Variants in RBL2 observed in about 807,000 individuals in gnomAD.
RBL2 encodes retinoblastoma-like protein 2.
Under a neutral mutation model 126.0 loss-of-function variants are expected in RBL2, and 56 were observed. The ratio of observed to expected loss-of-function variants is 0.44; its 90% confidence interval spans 0.36 to 0.56. RBL2 has a LOEUF of 0.56. RBL2 is among the 20% of genes least tolerant of loss of function. RBL2 has a pLI of 0.00. For missense variants in RBL2, 1,229 were observed against 1,398.2 expected (o/e 0.88, Z 1.93); for synonymous variants, 454 against 478.5 (o/e 0.95, Z 0.67).
chr16:53,473,608 T>C (rs193298426), intron 17 of RBL2, among the ~76,000 whole-genome samples: 4 of 152,106 alleles, frequency 2.6e-5, no homozygotes, highest in Admixed American at 2.0e-4. Flanking sequence ...CTTATAATTT[T>C]ACTTCTTGTC....
chr16:53,487,142 C>G (rs745714565), intron 21 of RBL2, among the ~76,000 whole-genome samples: 35 of 152,150 alleles, frequency 2.3e-4, no homozygotes, highest in Non-Finnish European at 4.1e-4. Flanking sequence ...CCCAATTGAT[C>G]TATAATTTCA....
At chr16:53,488,206 A>G (rs1475466025) in intron 21 of RBL2, 2 of 152,256 alleles carry the variant, frequency 1.3e-5, no homozygotes, top group African/African-American at 4.8e-5. Flanking sequence ...CATCCAGACA[A>G]TCGACTGCTA....
chr16:53,448,165 A>AT (rs11339481), intron 4 of RBL2, among the ~76,000 whole-genome samples: 27 of 127,354 alleles, frequency 2.1e-4, no homozygotes, highest in Admixed American at 9.4e-4. Context: ...ACTTTATTTT[A>AT]TTTTTTTTTT....
chr16:53,457,331 C>A (rs2058179562), intron 8 of RBL2, among the ~76,000 whole-genome samples: 1 of 141,536 alleles, frequency 7.1e-6, no homozygotes, highest in African/African-American at 2.8e-5. Flanking sequence ...GCAATCTCGG[C>A]TCACTGTGAC....
chr16:53,456,188 A>AAAG (rs559824693), intron 8 of RBL2, among the ~76,000 whole-genome samples: 6 of 151,148 alleles, frequency 4.0e-5, no homozygotes, highest in Admixed American at 6.6e-5. Context: ...AAAAAAAAGA[A>AAAG]AAGAAGAAGA....
intron 21 of RBL2, chr16:53,488,393 G>C (rs1257962154): frequency 6.6e-6 from 1 of 152,216 alleles, no homozygotes; most frequent in Non-Finnish European, 1.5e-5. Flanking sequence ...GCTGACAAGG[G>C]AGTATGAGGG....
chr16:53,479,086 C>T, intron 17 of RBL2, 68 bp from the exon 18 acceptor site: 1 of 1,288,020 alleles, frequency 7.8e-7, no homozygotes, highest in South Asian at 1.2e-5. Flanking sequence ...GCAGCAGGTT[C>T]ACAGAGCTCC....
intron 2 of RBL2, among the ~76,000 whole-genome samples, chr16:53,442,263 G>A (rs2058024016): frequency 1.3e-5 from 2 of 152,122 alleles, no homozygotes; most frequent in South Asian, 4.1e-4. Context: ...CTGTGATCTT[G>A]CCACTGAACT....
At position 53,470,398 on chromosome 16, in the gene RBL2, A is replaced by C. The variant is rs750906397; in HGVS notation, c.2261A>C (p.Asn754Thr). 60 of 1,612,282 alleles carry C rather than the reference A, an allele frequency of 3.7e-5. No homozygotes were observed. The South Asian group carries it at 6.6e-4, about 18-fold the overall frequency. Residue 754 changes from asparagine to threonine, a missense_variant, in exon 16 of 22, where the codon AAT (asparagine) becomes ACT (threonine). By Grantham distance (65) the Asn-to-Thr change is moderately conservative (BLOSUM62 0). Around this residue, in one of 2 missense-constraint regions of RBL2, gnomAD observed 1,070 missense variants for 1,274.3 expected, o/e 0.84. Coordinates refer to ENST00000262133, the MANE Select transcript of RBL2 (RefSeq NM_005611.4). ...CTGTCACTAGGTATTGCCAATGAAA[A>C]TGGAGGGATAACATTCTTCCCTGTC... is the stretch of plus-strand genomic sequence containing the variant. ...TIPVQGIANE[N>T]GGITFFPVQV... is the part of the protein sequence containing the mutation.
At position 53,451,764 on chromosome 16, in the gene RBL2, G is replaced by A; in HGVS notation, c.699G>A (p.Leu233=). 1 of 1,613,340 alleles carries A rather than the reference G, an allele frequency of 6.2e-7. No individual in the cohort carries two copies. Among genetic ancestry groups the A allele is most frequent in the South Asian group, 1.1e-5 (1 of 91,056 alleles). Residue 233 remains leucine (L), a synonymous_variant, in exon 5 of 22, where the codon TTG becomes TTA. Transcript: ENST00000262133. ...CTTATCACCTGCTGCTGTGTGCTTT[G>A]GACTTAGTTTATGGAAATGCACTTC... ...VNSYHLLLCA[L]DLVYGNALQC... is the part of the protein sequence containing the mutation.
chr16:53,462,471 T>C, intron 10 of RBL2, 81 bp from the exon 11 acceptor site: 1 of 802,194 alleles, frequency 1.2e-6, no homozygotes, highest in Non-Finnish European at 1.9e-6. Context: ...AATTTTATTT[T>C]GTGAGTAAAG....
intron 8 of RBL2, 24 bp downstream of exon 8, chr16:53,454,866 G>C: frequency 6.4e-7 from 1 of 1,556,360 alleles, no homozygotes; most frequent in South Asian, 1.2e-5. Flanking sequence ...TGCCAGAAGA[G>C]TAGAAATACA....
chr16:53,453,207 GT>G (rs1215454044), intron 5 of RBL2, among the ~76,000 whole-genome samples: 1 of 152,084 alleles, frequency 6.6e-6, no homozygotes, highest in Non-Finnish European at 1.5e-5. Flanking sequence ...TAAGTTTTAA[GT>G]TTCCCTTAAC....
At position 53,490,209 on chromosome 16, in the gene RBL2, G is replaced by A. The variant is rs771503071; in HGVS notation, c.3329G>A (p.Ser1110Asn). 3.7e-6 allele frequency: 6 copies of A among 1,612,360 alleles called. No individual in the cohort carries two copies. The Admixed American group carries it at 8.3e-5, about 22-fold the overall frequency. The change falls in exon 22 of 22, where the codon AGT becomes AAT. Residue 1110 changes from serine (S) to asparagine (N), a missense_variant. By Grantham distance (46) the Ser-to-Asn change is conservative. Transcript: ENST00000262133. Reference sequence around the variant, plus strand: ...AGAGGAATTCTTTTGGAAGATGGAAGTGAATCACCTGCAAAAAGAATTTGC... The same window carrying A: ...AGAGGAATTCTTTTGGAAGATGGAAATGAATCACCTGCAAAAAGAATTTGC... ...KKRGILLEDG[S>N]ESPAKRICPE...
At chr16:53,481,943 G>C in intron 21 of RBL2, 108 bp downstream of exon 21, 1 of 1,322,618 alleles carries the variant, frequency 7.6e-7, no homozygotes, top group Non-Finnish European at 1.1e-6. Context: ...AGAGCTGCCA[G>C]GGAGCAGTGA....
Position 53,476,869 on chromosome 16 carries a change from C to A in RBL2, c.2704-2285C>A, listed in dbSNP as rs750334658. ...TCGAATGTATTTGTATTTTTTAAAT[C>A]TAAAATGTCTCCTGTAGATAAAATA... is the stretch of plus-strand genomic sequence containing the variant. On this transcript the variant is annotated intron_variant, in intron 17 of 21. Transcript: ENST00000262133. Among the ~76,000 whole-genome samples the A allele has an allele frequency of 9.3e-4, 141 of 152,266 alleles. 2 individuals carry two copies. Among genetic ancestry groups the A allele is most frequent in the Non-Finnish European group, 4.7e-4 (32 of 68,020 alleles).
At chr16:53,451,375 G>A (rs562136626) in intron 4 of RBL2, among the ~76,000 whole-genome samples, 6 of 152,110 alleles carry the variant, frequency 3.9e-5, no homozygotes, top group Non-Finnish European at 5.9e-5. Flanking sequence ...GTGTGGTGGC[G>A]TGTACCTGTA....
chr16:53,475,351 G>T (rs1163144562), intron 17 of RBL2, among the ~76,000 whole-genome samples: 1 of 152,150 alleles, frequency 6.6e-6, no homozygotes, highest in Non-Finnish European at 1.5e-5. Flanking sequence ...GAGTAGTTGG[G>T]ACTACAGGCC....
intron 5 of RBL2, among the ~76,000 whole-genome samples, chr16:53,452,874 T>G (rs2058128821): frequency 6.6e-6 from 1 of 152,100 alleles, no homozygotes; most frequent in Non-Finnish European, 1.5e-5. Context: ...TTCGCCATGT[T>G]TCCTGGGCTG....
Sources: allele counts gnomAD v4.1 joint callset (sites outside exome capture counted in the v4.1 genomes callset), GRCh38; gene constraint gnomAD v4.1.1; regional missense constraint gnomAD v4.1.1; transcripts MANE v1.5; gene names NCBI Gene and HGNC (gene_info 2026-07-23, HGNC 2026-07-21).